EPHB1: variants seen among roughly 807,000 people sequenced by gnomAD.
EPHB1 encodes the protein ephrin type-B receptor 1.
A neutral mutation model predicts 94.4 loss-of-function variants in EPHB1; 30 were observed. The ratio of observed to expected loss-of-function variants is 0.32; its 90% CI spans 0.24 to 0.43. The LOEUF (loss-of-function observed/expected upper bound fraction) is 0.43, where lower values mean the gene tolerates loss of function less well. Ranked by LOEUF, EPHB1 falls within the 20% of genes least tolerant of loss-of-function variation. The pLI, the probability that EPHB1 is intolerant of heterozygous loss-of-function variation, is 1.00. For synonymous variants in EPHB1, 522 were observed against 489.1 expected (o/e 1.07, Z -0.89); for missense variants, 1,055 against 1,308.3 (o/e 0.81, Z 2.99).
intron 3 of EPHB1, among the ~76,000 whole-genome samples, chr3:134,981,913 T>G (rs367663594): frequency 6.6e-6 from 1 of 152,248 alleles, no homozygotes; most frequent in East Asian, 1.9e-4. Context: ...TAATAATTAT[T>G]AATATTTAGT....
chr3:135,115,452 C>T (rs1432281287), intron 4 of EPHB1, among the ~76,000 whole-genome samples: 1 of 152,182 alleles, frequency 6.6e-6, no homozygotes, highest in African/African-American at 2.4e-5. Flanking sequence ...TCACCTCCTC[C>T]CCCAGGCAGG....
chr3:134,824,394 G>T (rs1390767230), intron 1 of EPHB1, among the ~76,000 whole-genome samples: 1 of 152,068 alleles, frequency 6.6e-6, no homozygotes, highest in African/African-American at 2.4e-5. Flanking sequence ...CCTAGGTCTG[G>T]GTTCCTAGGG....
At chr3:135,115,673 TG>T (rs1252871420) in intron 4 of EPHB1, among the ~76,000 whole-genome samples, 1 of 152,178 alleles carries the variant, frequency 6.6e-6, no homozygotes, top group African/African-American at 2.4e-5. Flanking sequence ...AAACCAGGGT[TG>T]ACTCTCAGCT....
intron 1 of EPHB1, among the ~76,000 whole-genome samples, chr3:134,829,621 T>TACAAACAA (rs1433926141): frequency 6.6e-5 from 10 of 152,190 alleles, no homozygotes; most frequent in Non-Finnish European, 1.0e-4. Context: ...TCCAGTATAT[T>TACAAACAA]CTTATTAAAT....
chr3:135,234,590 A>G (rs1576488620), intron 12 of EPHB1, among the ~76,000 whole-genome samples: 1 of 152,228 alleles, frequency 6.6e-6, no homozygotes, highest in East Asian at 1.9e-4. Context: ...CACTGCTAAT[A>G]AAGACATACC....
At chr3:134,828,520 T>C (rs2036526934) in intron 1 of EPHB1, among the ~76,000 whole-genome samples, 1 of 152,238 alleles carries the variant, frequency 6.6e-6, no homozygotes, top group Admixed American at 6.5e-5. Flanking sequence ...TATCATTTTA[T>C]AGATCAGGAA....
chr3:134,984,045 G>A (rs1191382971), intron 3 of EPHB1, among the ~76,000 whole-genome samples: 3 of 152,252 alleles, frequency 2.0e-5, no homozygotes, highest in African/African-American at 7.2e-5. Flanking sequence ...AAGGGATCAG[G>A]GTAACTCTTG....
intron 5 of EPHB1, among the ~76,000 whole-genome samples, chr3:135,148,649 T>A (rs1941092938): frequency 6.6e-6 from 1 of 152,230 alleles, no homozygotes; most frequent in South Asian, 2.1e-4. Context: ...CTGTAATTTA[T>A]TCACATCTCC....
chr3:135,062,597 G>C (rs1937529314), intron 3 of EPHB1, among the ~76,000 whole-genome samples: 1 of 152,132 alleles, frequency 6.6e-6, no homozygotes, highest in Admixed American at 6.5e-5. Flanking sequence ...TCCTTTGTCA[G>C]ATGTATAGAT....
intron 9 of EPHB1, among the ~76,000 whole-genome samples, chr3:135,170,316 A>G (rs1941768802): frequency 6.6e-6 from 1 of 152,220 alleles, no homozygotes; most frequent in Non-Finnish European, 1.5e-5. Context: ...AGTAAATCTG[A>G]TAACATAATG....
At chr3:135,043,008 A>T (rs1936899106) in intron 3 of EPHB1, among the ~76,000 whole-genome samples, 2 of 151,686 alleles carry the variant, frequency 1.3e-5, no homozygotes, top group South Asian at 4.2e-4. Context: ...TACCTCGCTA[A>T]TTTTTTGTAT....
chr3:135,086,041 A>T (rs948667169), intron 3 of EPHB1, among the ~76,000 whole-genome samples: 4 of 152,100 alleles, frequency 2.6e-5, no homozygotes. Flanking sequence ...CCCTGGAGAG[A>T]AGAAAGAAGC....
chr3:135,125,387 C>T (rs761911566), intron 4 of EPHB1, among the ~76,000 whole-genome samples: 7 of 151,984 alleles, frequency 4.6e-5, no homozygotes, highest in Non-Finnish European at 8.8e-5. Flanking sequence ...GCTTATGCCA[C>T]TCTCCAAGGT....
At chr3:135,216,104 C>T (rs1472781918) in intron 12 of EPHB1, among the ~76,000 whole-genome samples, 3 of 152,186 alleles carry the variant, frequency 2.0e-5, no homozygotes, top group Non-Finnish European at 4.4e-5. Flanking sequence ...CATCTTTTCA[C>T]GGGGTGGCAA....
At chr3:135,004,746 T>C (rs867589481) in intron 3 of EPHB1, among the ~76,000 whole-genome samples, 145 of 151,722 alleles carry the variant, frequency 9.6e-4, no homozygotes, top group African/African-American at 1.9e-3. Flanking sequence ...TCCAGTTGAT[T>C]GCATCGGCTC....
intron 3 of EPHB1, among the ~76,000 whole-genome samples, chr3:135,029,592 C>T (rs1236760516): frequency 4.0e-4 from 60 of 149,968 alleles, no homozygotes; most frequent in East Asian, 2.4e-3. Flanking sequence ...CCGAGAGATC[C>T]GCTGTTAGTC....
chr3:134,833,460 C>T (rs1419781739), intron 1 of EPHB1, among the ~76,000 whole-genome samples: 2 of 152,170 alleles, frequency 1.3e-5, no homozygotes, highest in African/African-American at 2.4e-5. Context: ...GGTTTTATGG[C>T]GTGATTGGTT....
intron 12 of EPHB1, among the ~76,000 whole-genome samples, chr3:135,215,586 G>A (rs142570193): frequency 3.9e-5 from 6 of 152,342 alleles, no homozygotes; most frequent in African/African-American, 7.2e-5. Context: ...TGATATTCGC[G>A]AAGGAAAATT....
intron 7 of EPHB1, 70 bp downstream of exon 7, chr3:135,162,250 T>C (rs1336149828): frequency 3.4e-6 from 5 of 1,459,170 alleles, no homozygotes; most frequent in Non-Finnish European, 4.6e-6. Flanking sequence ...GCCCCAAAGA[T>C]GCTGCACTAG....
Sources: allele counts gnomAD v4.1 joint callset (sites outside exome capture counted in the v4.1 genomes callset), GRCh38; gene constraint gnomAD v4.1.1; transcripts MANE v1.5; gene names NCBI Gene and HGNC (gene_info 2026-07-23, HGNC 2026-07-21).